The following STEAP1B variants were observed in gnomAD, a reference collection of about 807,000 sequenced individuals.
STEAP1B encodes the protein STEAP family member 1B, also known as STEAP family protein MGC87042.
A neutral mutation model predicts 27.9 loss-of-function variants in STEAP1B; 13 were observed. The ratio of observed to expected loss-of-function variants is 0.47; its 90% confidence interval spans 0.30 to 0.74. The LOEUF is 0.74. Ranked by LOEUF, STEAP1B falls within the 30% of genes least tolerant of loss-of-function variation. The probability of loss-of-function intolerance (pLI) is 0.06; values close to 1 mark genes in which losing one functional copy is unlikely to be tolerated. For synonymous variants in STEAP1B, 86 were observed against 107.1 expected, an observed-to-expected ratio of 0.80 and a Z score of 1.22; for missense variants, 250 against 298.7, an observed-to-expected ratio of 0.84 and a Z score of 1.20.
At chr7:22,493,091 T>C (rs1307088508) in intron 3 of STEAP1B, among the ~76,000 whole-genome samples, 2 of 152,232 alleles carry the variant, frequency 1.3e-5, no homozygotes, top group East Asian at 1.9e-4. Context: ...ATGAACAAAA[T>C]GTTTCTTATG....
intron 4 of STEAP1B, among the ~76,000 whole-genome samples, chr7:22,491,740 G>A (rs1329465330): frequency 6.6e-6 from 1 of 152,148 alleles, no homozygotes; most frequent in African/African-American, 2.4e-5. Flanking sequence ...ATAGAAAAGT[G>A]TGAATGCCAG....
Position 22,476,087 on chromosome 7 carries a change from G to A in STEAP1B, c.762+16478C>T, listed in dbSNP as rs188294669. On this transcript the variant is annotated intron_variant, in intron 4 of 4. Transcript: ENST00000678116. ...CACCAACTCAGCCTCCCAAAGCACC[G>A]GAACTACAGGTGTGAGCCACTGCAC... 6.8e-4 allele frequency among the ~76,000 whole-genome samples: 104 copies of A among 152,264 alleles called. 1 individual carries two copies. The South Asian group carries it at 0.013, about 19-fold the overall frequency.
chr7:22,471,100 G>A (rs1785874472), intron 4 of STEAP1B, among the ~76,000 whole-genome samples: 1 of 152,124 alleles, frequency 6.6e-6, no homozygotes, highest in Non-Finnish European at 1.5e-5. Flanking sequence ...TTCTAAGTCA[G>A]CATTTCCTAC....
chr7:22,424,736 C>T (rs1330264239), intron 4 of STEAP1B, among the ~76,000 whole-genome samples: 2 of 152,038 alleles, frequency 1.3e-5, no homozygotes, highest in African/African-American at 4.8e-5. Flanking sequence ...TAGGGAACTA[C>T]ATGTCTCATT....
chr7:22,438,554 A>G, intron 4 of STEAP1B: 1 of 1,552,076 alleles, frequency 6.4e-7, no homozygotes. Context: ...TGAAGCTGAA[A>G]CATGTGAGAG....
At chr7:22,445,557 G>A (rs775660532) in intron 4 of STEAP1B, among the ~76,000 whole-genome samples, 2 of 152,256 alleles carry the variant, frequency 1.3e-5, no homozygotes, top group Non-Finnish European at 2.9e-5. Flanking sequence ...GCGGAGGCCA[G>A]CGGGAAGCAC....
At chr7:22,462,951 G>A (rs982943386) in intron 4 of STEAP1B, among the ~76,000 whole-genome samples, 1 of 152,172 alleles carries the variant, frequency 6.6e-6, no homozygotes, top group African/African-American at 2.4e-5. Flanking sequence ...GTATCTCATT[G>A]CGGTTTTGAT....
chr7:22,479,545 T>C (rs559595899), intron 4 of STEAP1B, among the ~76,000 whole-genome samples: 1 of 152,270 alleles, frequency 6.6e-6, no homozygotes, highest in Admixed American at 6.5e-5. Flanking sequence ...GCCAATCTTT[T>C]ATGTGTAACT....
intron 4 of STEAP1B, among the ~76,000 whole-genome samples, chr7:22,423,679 T>TA (rs1785072309): frequency 6.6e-6 from 1 of 152,222 alleles, no homozygotes; most frequent in South Asian, 2.1e-4. Flanking sequence ...GTTTTAAAGT[T>TA]AGATTGTGGT....
chr7:22,487,837 A>G lies in STEAP1B; in HGVS notation c.762+4728T>C, dbSNP rs945386822. The stretch of plus-strand genomic sequence containing the variant: ...AAAAAAAAAAAGAAAAAAGAAAAAA[A>G]AAAATCCACACATAGATTTACTATA... On this transcript the variant is annotated intron_variant, in intron 4 of 4. Transcript: ENST00000678116. Among the ~76,000 whole-genome samples, 11 of 151,978 alleles carry G rather than the reference A, an allele frequency of 7.2e-5. No homozygotes were observed. In the South Asian group the frequency reaches 1.9e-3, roughly 26 times the overall value.
rs907411714 is a variant in STEAP1B, at chr7:22,434,254, G to A, written c.763-14418C>T. Among the ~76,000 whole-genome samples, 108 of 152,134 alleles carry A rather than the reference G, an allele frequency of 7.1e-4. 1 individual carries two copies. The highest frequency in any genetic ancestry group is 5.9e-4 in the Admixed American group (9 of 15,278). ...GAAGCCGGCTTTCCGTGTCTGTACC[G>A]CCTTCCTTGGGAAGGATAGGACACC... On this transcript the variant is annotated intron_variant, in intron 4 of 4. Coordinates refer to ENST00000678116, the MANE Select transcript of STEAP1B (RefSeq NM_001382447.1).
rs1786438685 is a variant in STEAP1B at position 22,496,282 on chromosome 7, C to T, written c.-31-1396G>A. On this transcript the variant is annotated intron_variant, in intron 1 of 4. Transcript: ENST00000678116. ...CTGTACAATGTGACGATGTTTTAAG[C>T]TAAGTGTTATTACAAAAGAGTAAAA... Among the ~76,000 whole-genome samples the T allele has an allele frequency of 4.6e-5, 7 of 151,970 alleles. No individual in the cohort carries two copies. In the South Asian group the frequency reaches 1.2e-3, roughly 27 times the overall value.
At chr7:22,441,432 T>C (rs1049819406) in intron 4 of STEAP1B, among the ~76,000 whole-genome samples, 2 of 152,210 alleles carry the variant, frequency 1.3e-5, no homozygotes, top group East Asian at 1.9e-4. Flanking sequence ...ACATTCTAAT[T>C]ACCCCCATTT....
At chr7:22,499,241 C>A (rs964033040) in intron 1 of STEAP1B, among the ~76,000 whole-genome samples, 7 of 152,216 alleles carry the variant, frequency 4.6e-5, no homozygotes, top group Admixed American at 4.6e-4. Flanking sequence ...GCCCAACTGA[C>A]TCATGTTTAT....
chr7:22,496,838 A>T lies in STEAP1B; in HGVS notation c.-31-1952T>A, dbSNP rs12539538. On this transcript the variant is annotated intron_variant, in intron 1 of 4. Coordinates refer to ENST00000678116, the MANE Select transcript of STEAP1B (RefSeq NM_001382447.1). ...GAAGAGACATGACTGTTCTTAAAACATTCTCCAAGTTTTAAAGGTTTAACT... is the reference window on the plus strand; with the variant it reads ...GAAGAGACATGACTGTTCTTAAAACTTTCTCCAAGTTTTAAAGGTTTAACT... 4.8e-3 allele frequency among the ~76,000 whole-genome samples: 724 copies of T among 152,274 alleles called. 5 individuals carry two copies. Among genetic ancestry groups the T allele is most frequent in the African/African-American group, 0.017 (689 of 41,548 alleles).
chr7:22,443,529 G>A (rs2128402578), intron 4 of STEAP1B, among the ~76,000 whole-genome samples: 1 of 152,340 alleles, frequency 6.6e-6, no homozygotes, highest in Non-Finnish European at 1.5e-5. Flanking sequence ...GTGGCTGAAC[G>A]TTAAAGCAAT....
At chr7:22,463,792 T>C (rs891314093) in intron 4 of STEAP1B, among the ~76,000 whole-genome samples, 49 of 151,652 alleles carry the variant, frequency 3.2e-4, no homozygotes, top group Non-Finnish European at 6.3e-4. Flanking sequence ...TTACACCTTA[T>C]ACAAAAATCA....
intron 4 of STEAP1B, among the ~76,000 whole-genome samples, chr7:22,432,240 T>TGGAA (rs1785196610): frequency 2.0e-5 from 3 of 152,046 alleles, no homozygotes; most frequent in Admixed American, 6.6e-5. Context: ...TCTAGAACTG[T>TGGAA]GAGAAATAAA....
chr7:22,493,329 G>A lies in STEAP1B; in HGVS notation c.592C>T (p.Gln198Ter), dbSNP rs560278080. Residue 198 changes from glutamine to a stop codon, truncating the protein, a stop_gained, in exon 3 of 5, where the codon CAA becomes TAA. Coordinates refer to ENST00000678116, the MANE Select transcript of STEAP1B (RefSeq NM_001382447.1). LOFTEE classifies it high-confidence loss of function. ...YRYKLLNWAYQQVQQNKEDAW... is the reference protein window; with the variant it reads ...YRYKLLNWAY ...TGACATCATTGTCATCTCACCTGTT[G>A]ATATGCCCAGTTTAGCAACTTGTAT... The A allele has an allele frequency of 3.1e-6, 5 of 1,611,030 alleles. No individual in the cohort carries two copies. In the African/African-American group the frequency reaches 6.7e-5, roughly 21 times the overall value.
Sources: gnomAD v4.1 joint callset for allele counts (sites outside exome capture counted in the v4.1 genomes callset) on GRCh38, gnomAD v4.1.1 for gene constraint, MANE v1.5 for transcripts, NCBI Gene and HGNC (gene_info 2026-07-23, HGNC 2026-07-21) for gene names.